The following KATNAL2 variants were observed in gnomAD, a reference collection of about 807,000 sequenced individuals.
KATNAL2 encodes katanin p60 ATPase-containing subunit A-like 2.
In KATNAL2, 52 loss-of-function variants were observed where a neutral mutation model predicts 76.3. The observed-to-expected ratio is 0.68, with a 90% CI of 0.55 to 0.86. KATNAL2 has a LOEUF of 0.86. KATNAL2 is among the 40% of genes least tolerant of loss of function. The probability of loss-of-function intolerance (pLI) is 0.00; values close to 1 mark genes in which losing one functional copy is unlikely to be tolerated. For synonymous variants in KATNAL2, 243 were observed against 244.2 expected (o/e 1.00, Z 0.05); for missense variants, 660 against 668.9 (o/e 0.99, Z 0.15).
In KATNAL2 at chr18:47,101,309, T is replaced by C. The variant is rs2063435394; in HGVS notation, c.*304T>C. 1 of 266,328 alleles carries C rather than the reference T, an allele frequency of 3.8e-6. No individual in the cohort carries two copies. Among genetic ancestry groups the C allele is most frequent in the African/African-American group, 2.2e-5 (1 of 46,320 alleles). 16.5% of individuals were successfully genotyped at this position (266,328 alleles called of 1,614,324 possible). On this transcript the variant is annotated 3_prime_UTR_variant, in exon 18 of 18. Transcript: ENST00000683218. ...AATGAACAATTTTCTGTAATGTTAC[T>C]CATTTGTAAACTTTTTAAGAAAAAG...
At chr18:47,059,153 T>C (rs1319116821) in intron 7 of KATNAL2, among the ~76,000 whole-genome samples, 1 of 151,832 alleles carries the variant, frequency 6.6e-6, no homozygotes, top group African/African-American at 2.4e-5. Flanking sequence ...GGAAGAGAGG[T>C]GAAGGTGGGG....
At chr18:46,930,568 C>G (rs977459602) in intron 1 of KATNAL2, among the ~76,000 whole-genome samples, 1 of 152,200 alleles carries the variant, frequency 6.6e-6, no homozygotes, top group Non-Finnish European at 1.5e-5. Context: ...ATAATCCCAG[C>G]ACTATGGGAG....
rs752339956 is a variant in KATNAL2 at position 47,033,681 on chromosome 18, C to G, written c.52-12776C>G. ...GCACCTGGGCACACTGCTGGCGCAGCGTCGGCACCTGGAGCTGGCAGGCAG... is the reference window on the plus strand; with the variant it reads ...GCACCTGGGCACACTGCTGGCGCAGGGTCGGCACCTGGAGCTGGCAGGCAG... On this transcript the variant is annotated intron_variant, in intron 3 of 17. Transcript: ENST00000683218. 5 of 1,614,200 alleles carry G rather than the reference C, an allele frequency of 3.1e-6. No individual in the cohort carries two copies. The South Asian group carries it at 3.3e-5, about 11-fold the overall frequency.
chr18:46,934,780 G>A (rs971822061), intron 1 of KATNAL2, among the ~76,000 whole-genome samples: 2 of 151,898 alleles, frequency 1.3e-5, no homozygotes, highest in East Asian at 1.9e-4. Flanking sequence ...TTATGGTTTT[G>A]GGTCTAACAT....
chr18:46,957,484 G>A (rs1007656020), intron 3 of KATNAL2, among the ~76,000 whole-genome samples: 1 of 150,162 alleles, frequency 6.7e-6, no homozygotes, highest in African/African-American at 2.4e-5. Flanking sequence ...TCCATCTACT[G>A]AACTCGTGAT....
At chr18:47,066,892 T>TATAA (rs1292637193) in intron 10 of KATNAL2, 129 bp from the exon 11 acceptor site, 2 of 146,020 alleles carry the variant, frequency 1.4e-5, no homozygotes, top group African/African-American at 6.0e-5. Context: ...TATATATATA[T>TATAA]AATATGAACA....
chr18:47,051,058 C>T lies in KATNAL2; in HGVS notation c.123-1822C>T, dbSNP rs115382320. On this transcript the variant is annotated intron_variant, in intron 4 of 17. Transcript: ENST00000683218. ...TCTCGGGCTTGGGTAATTTTAGTAG[C>T]CTCTGCGTCTCTCTCTTGTGTCTTG... is the stretch of plus-strand genomic sequence containing the variant. Among the ~76,000 whole-genome samples the T allele has an allele frequency of 8.2e-3, 1,247 of 152,184 alleles. 10 individuals are homozygous for T. The highest frequency in any genetic ancestry group is 0.037 in the East Asian group (193 of 5,188).
chr18:47,093,025 T>C (rs1311126523), intron 15 of KATNAL2, among the ~76,000 whole-genome samples: 2 of 152,252 alleles, frequency 1.3e-5, no homozygotes, highest in Non-Finnish European at 2.9e-5. Flanking sequence ...TTTAATGTCT[T>C]ACATTGCTGT....
intron 15 of KATNAL2, among the ~76,000 whole-genome samples, chr18:47,089,041 G>A (rs2062891966): frequency 6.6e-6 from 1 of 152,186 alleles, no homozygotes; most frequent in African/African-American, 2.4e-5. Context: ...GCAATACTGA[G>A]TCTTTATGTG....
At chr18:47,085,050 C>T (rs1021928766) in intron 15 of KATNAL2, among the ~76,000 whole-genome samples, 5 of 151,928 alleles carry the variant, frequency 3.3e-5, no homozygotes, top group Non-Finnish European at 1.5e-5. Flanking sequence ...CAGCCCCGGC[C>T]CCAGCTCCCT....
At chr18:46,960,564 A>G (rs1244879502) in intron 3 of KATNAL2, among the ~76,000 whole-genome samples, 1 of 152,198 alleles carries the variant, frequency 6.6e-6, no homozygotes, top group Non-Finnish European at 1.5e-5. Flanking sequence ...CTCCACAATT[A>G]TTGATTTTTG....
At chr18:47,053,594 T>C (rs1479512522) in intron 5 of KATNAL2, among the ~76,000 whole-genome samples, 4 of 152,220 alleles carry the variant, frequency 2.6e-5, no homozygotes, top group African/African-American at 9.6e-5. Context: ...CTGTGCTTTG[T>C]AGTAACATTG....
At chr18:47,038,564 C>T (rs56164202) in intron 3 of KATNAL2, among the ~76,000 whole-genome samples, 2 of 152,030 alleles carry the variant, frequency 1.3e-5, no homozygotes, top group African/African-American at 4.8e-5. Flanking sequence ...GACAGGTATG[C>T]GCATTTTTCT....
At chr18:47,044,078 A>G (rs1021572010) in intron 3 of KATNAL2, among the ~76,000 whole-genome samples, 3 of 152,210 alleles carry the variant, frequency 2.0e-5, no homozygotes, top group Non-Finnish European at 4.4e-5. Context: ...AGAAACAGCT[A>G]AAATAATTAA....
chr18:46,923,753 T>TA (rs2058646316), intron 1 of KATNAL2, among the ~76,000 whole-genome samples: 1 of 152,242 alleles, frequency 6.6e-6, no homozygotes, highest in East Asian at 1.9e-4. Context: ...CCTGACTTTT[T>TA]AATGATCGAC....
chr18:46,947,340 C>T (rs2059411797), intron 3 of KATNAL2, among the ~76,000 whole-genome samples: 2 of 152,174 alleles, frequency 1.3e-5, no homozygotes, highest in South Asian at 4.1e-4. Context: ...GATTTGCCAT[C>T]ACTAAGGCGA....
intron 6 of KATNAL2, among the ~76,000 whole-genome samples, chr18:47,056,599 A>G (rs1300328991): frequency 1.3e-5 from 2 of 152,208 alleles, no homozygotes; most frequent in South Asian, 2.1e-4. Flanking sequence ...AGCAGAGTGA[A>G]TTTGGTTCCA....
At chr18:46,950,399 A>G (rs1255326263) in intron 3 of KATNAL2, among the ~76,000 whole-genome samples, 1 of 152,200 alleles carries the variant, frequency 6.6e-6, no homozygotes, top group African/African-American at 2.4e-5. Context: ...CTGCACGTCC[A>G]CAAGACATTC....
At chr18:46,939,338 TAAA>T (rs11313068) in intron 1 of KATNAL2, among the ~76,000 whole-genome samples, 3 of 142,788 alleles carry the variant, frequency 2.1e-5, no homozygotes, top group Admixed American at 7.0e-5. Context: ...ATCTCACAAT[TAAA>T]AAAAAAAAAA....
Sources: allele counts gnomAD v4.1 joint callset (sites outside exome capture counted in the v4.1 genomes callset), GRCh38; gene constraint gnomAD v4.1.1; transcripts MANE v1.5; gene names NCBI Gene and HGNC (gene_info 2026-07-23, HGNC 2026-07-21).